LRP1B: variants seen among roughly 807,000 people sequenced by gnomAD.
The protein encoded by LRP1B is low-density lipoprotein receptor-related protein 1B.
Under a neutral mutation model 556.6 loss-of-function variants are expected in LRP1B, and 217 were observed. The observed-to-expected ratio is 0.39, with a 90% confidence interval of 0.35 to 0.44. The LOEUF is 0.44. Among genes scored for constraint, LRP1B ranks in the 20% least tolerant of loss-of-function variants. The pLI is 1.00. For synonymous variants in LRP1B, 2,047 were observed against 1,865.8 expected, an observed-to-expected ratio of 1.10 and a Z score of -2.50; for missense variants, 5,053 against 5,620.8, an observed-to-expected ratio of 0.90 and a Z score of 3.23.
chr2:140,722,923 T>G (rs949114398), intron 35 of LRP1B, among the ~76,000 whole-genome samples: 2 of 152,054 alleles, frequency 1.3e-5, no homozygotes, highest in South Asian at 4.2e-4. Context: ...GGCGCCTGTA[T>G]TCCCAGCTAC....
chr2:140,333,687 G>A (rs1169557246), intron 79 of LRP1B, among the ~76,000 whole-genome samples: 2 of 151,990 alleles, frequency 1.3e-5, no homozygotes, highest in Admixed American at 6.6e-5. Context: ...CCTTTCTGTG[G>A]AGGTATAGTC....
Position 140,841,107 on chromosome 2 carries a change from A to G in LRP1B, c.4940-15T>C, listed in dbSNP as rs745474238. On this transcript the variant is annotated splice_polypyrimidine_tract_variant and intron_variant, in intron 29 of 90. Transcript: ENST00000389484. The stretch of plus-strand genomic sequence containing the variant: ...ACTCTGAATATCTATAAAACAGGAA[A>G]GAGAAGATTTAAAGGTGAATGAAGT... The G allele has an allele frequency of 1.3e-6, 2 of 1,572,340 alleles. No homozygotes were observed. The highest frequency in any genetic ancestry group is 8.7e-7 in the Non-Finnish European group (1 of 1,154,748).
chr2:140,532,083 A>G (rs1574048114), intron 47 of LRP1B, among the ~76,000 whole-genome samples: 1 of 152,118 alleles, frequency 6.6e-6, no homozygotes, highest in Non-Finnish European at 1.5e-5. Context: ...ATCTCTACCT[A>G]TCTACATGCC....
chr2:141,398,598 G>C lies in LRP1B; in HGVS notation c.343+81798C>G, dbSNP rs546530476. On this transcript the variant is annotated intron_variant, in intron 3 of 90. Transcript: ENST00000389484. ...GGCTGACAGGCAAGATGGACTCTCT[G>C]TGGCTAACATGAGACTCTGGAGAGA... 4.6e-5 allele frequency among the ~76,000 whole-genome samples: 7 copies of C among 152,280 alleles called. No individual in the cohort carries two copies. In the South Asian group the frequency reaches 1.5e-3, roughly 32 times the overall value.
intron 2 of LRP1B, among the ~76,000 whole-genome samples, chr2:141,523,416 C>T (rs1286455863): frequency 6.6e-6 from 1 of 151,996 alleles, no homozygotes; most frequent in Non-Finnish European, 1.5e-5. Context: ...GTTTCTTTGT[C>T]TACAAAATCC....
At chr2:140,353,177 T>C (rs1682052689) in intron 75 of LRP1B, 105 bp from the exon 76 acceptor site, 1 of 1,125,752 alleles carries the variant, frequency 8.9e-7, no homozygotes, top group Admixed American at 2.3e-5. Context: ...ATTACTAGCT[T>C]TATTGTCCTT....
At position 140,559,662 on chromosome 2, in the gene LRP1B, T is replaced by C. The variant is rs977092671; in HGVS notation, c.7195-17691A>G. Among the ~76,000 whole-genome samples the C allele has an allele frequency of 5.3e-5, 8 of 151,854 alleles. No homozygotes were observed. The South Asian group carries it at 1.0e-3, about 20-fold the overall frequency. ...CTTGGAGGACCTCTTAATGGCCATA[T>C]GGGGGGACATTGGAGAAACAAATAA... is the stretch of plus-strand genomic sequence containing the variant. On this transcript the variant is annotated intron_variant, in intron 43 of 90. Transcript: ENST00000389484.
intron 1 of LRP1B, among the ~76,000 whole-genome samples, chr2:141,886,234 C>T (rs765347221): frequency 1.8e-4 from 28 of 152,040 alleles, no homozygotes; most frequent in African/African-American, 4.6e-4. Flanking sequence ...GGTAGGACTA[C>T]GACTTTATTT....
intron 6 of LRP1B, among the ~76,000 whole-genome samples, chr2:141,208,833 C>T (rs1682404434): frequency 7.9e-6 from 1 of 126,828 alleles, no homozygotes; most frequent in African/African-American, 3.0e-5. Flanking sequence ...CACGCCGCTG[C>T]ACTCCAACCT....
At chr2:141,113,226 T>A (rs1327193827) in intron 7 of LRP1B, among the ~76,000 whole-genome samples, 1 of 152,130 alleles carries the variant, frequency 6.6e-6, no homozygotes, top group Non-Finnish European at 1.5e-5. Flanking sequence ...AAAAAATCTC[T>A]ATCAAAGCAC....
chr2:140,811,555 A>G (rs191835260), intron 32 of LRP1B, among the ~76,000 whole-genome samples: 1 of 152,182 alleles, frequency 6.6e-6, no homozygotes, highest in East Asian at 1.9e-4. Context: ...TAGTTATGCT[A>G]TTTGATAGTT....
intron 2 of LRP1B, among the ~76,000 whole-genome samples, chr2:141,592,653 C>G (rs546792865): frequency 7.2e-4 from 110 of 152,194 alleles, no homozygotes; most frequent in African/African-American, 2.6e-3. Flanking sequence ...TAGGACTTCC[C>G]TGGTATGAGT....
chr2:141,372,970 T>C (rs767444960), intron 3 of LRP1B, among the ~76,000 whole-genome samples: 13 of 152,228 alleles, frequency 8.5e-5, no homozygotes, highest in Admixed American at 3.3e-4. Context: ...TGCTATTTTG[T>C]GATTTTTCTA....
intron 25 of LRP1B, among the ~76,000 whole-genome samples, chr2:140,877,712 C>T (rs77793936): frequency 0.011 from 1,605 of 152,292 alleles, 22 homozygotes; most frequent in African/African-American, 0.032. Flanking sequence ...GAGGCCCCCT[C>T]ACTCCATTTC....
At chr2:141,298,758 C>G (rs1374884114) in intron 3 of LRP1B, among the ~76,000 whole-genome samples, 1 of 151,990 alleles carries the variant, frequency 6.6e-6, no homozygotes, top group Non-Finnish European at 1.5e-5. Flanking sequence ...AGTTCAAGAC[C>G]AGCCTGGCCA....
intron 17 of LRP1B, among the ~76,000 whole-genome samples, chr2:140,988,361 G>A (rs1696989117): frequency 6.6e-6 from 1 of 152,042 alleles, no homozygotes; most frequent in Admixed American, 6.6e-5. Context: ...ACTTTAAAAT[G>A]TCAGATCAGA....
intron 41 of LRP1B, chr2:140,683,870 C>T (rs1685952276): frequency 5.2e-6 from 3 of 575,250 alleles, no homozygotes; most frequent in Middle Eastern, 5.4e-4. Context: ...GCCCCCTGCG[C>T]CTGGGCCCTG....
At chr2:141,114,030 A>C (rs1700818659) in intron 7 of LRP1B, among the ~76,000 whole-genome samples, 1 of 152,258 alleles carries the variant, frequency 6.6e-6, no homozygotes, top group Admixed American at 6.5e-5. Context: ...AAACAATTCA[A>C]TTTTAAAATG....
At chr2:141,123,009 A>T (rs1429485459) in intron 7 of LRP1B, among the ~76,000 whole-genome samples, 1 of 152,064 alleles carries the variant, frequency 6.6e-6, no homozygotes, top group Non-Finnish European at 1.5e-5. Flanking sequence ...ACAGAAAACC[A>T]AACACCGCAT....
Sources: gnomAD v4.1 joint callset for allele counts (sites outside exome capture counted in the v4.1 genomes callset) on GRCh38, gnomAD v4.1.1 for gene constraint, MANE v1.5 for transcripts, NCBI Gene and HGNC (gene_info 2026-07-23, HGNC 2026-07-21) for gene names.